CLRN1: variants seen among roughly 807,000 people sequenced by gnomAD.
CLRN1 encodes the protein clarin 1.
In CLRN1, 15 loss-of-function variants were observed where a neutral mutation model predicts 18.7. That is an observed-to-expected ratio of 0.80 (90% CI 0.54 to 1.23). The LOEUF (loss-of-function observed/expected upper bound fraction) is 1.23, where lower values mean the gene tolerates loss of function less well. Among genes scored for constraint, CLRN1 ranks in the 50% most tolerant of loss-of-function variants. The pLI is 0.00. For missense variants in CLRN1, 311 were observed against 277.5 expected (o/e 1.12, Z -0.86); for synonymous variants, 104 against 102.9 (o/e 1.01, Z -0.07).
In CLRN1 at chr3:150,927,009, A is replaced by G; in HGVS notation, c.*927T>C. On this transcript the variant is annotated 3_prime_UTR_variant, in exon 3 of 3. Transcript: ENST00000327047. ...GATTTAATATAATTTTCATAATTGC[A>G]TATTAGTACTCGAGACACTATAGCT... 2.7e-6 allele frequency: 4 copies of G among 1,477,814 alleles called. No individual in the cohort carries two copies. The highest frequency in any genetic ancestry group is 1.2e-5 in the South Asian group (1 of 82,822). 91.5% of individuals were successfully genotyped at this position (1,477,814 alleles called of 1,614,324 possible).
At chr3:150,936,657 A>C (rs1713505662) in intron 2 of CLRN1, among the ~76,000 whole-genome samples, 1 of 152,200 alleles carries the variant, frequency 6.6e-6, no homozygotes, top group Admixed American at 6.5e-5. Context: ...ATCAGCTATC[A>C]GATATCTTTT....
In CLRN1 at chr3:150,928,321, C is replaced by A; in HGVS notation, c.434-120G>T. The A allele has an allele frequency of 1.6e-6, 2 of 1,258,140 alleles. 1 individual carries two copies. Among genetic ancestry groups the A allele is most frequent in the Non-Finnish European group, 2.2e-6 (2 of 904,584 alleles). 77.9% of individuals were successfully genotyped at this position (1,258,140 alleles called of 1,614,324 possible). A position where few individuals can be genotyped will look rare whatever the true frequency, so the allele number is the denominator to read the frequency against. ...ATCATCCCCATTGACATTATCCACA[C>A]AAAAAATTATTGCATATTTGTAATC... is the stretch of plus-strand genomic sequence containing the variant. On this transcript the variant is annotated intron_variant, in intron 2 of 2. Coordinates refer to ENST00000327047, the MANE Select transcript of CLRN1 (RefSeq NM_174878.3).
intron 2 of CLRN1, among the ~76,000 whole-genome samples, chr3:150,939,229 A>T (rs975126846): frequency 2.0e-5 from 3 of 152,094 alleles, no homozygotes; most frequent in Non-Finnish European, 2.9e-5. Flanking sequence ...CACACCTTCC[A>T]CTTCACTTGT....
rs768853852 is a variant in CLRN1, at chr3:150,927,044, G to T, written c.*892C>A. The T allele has an allele frequency of 8.4e-7, 1 of 1,196,730 alleles. No individual in the cohort carries two copies. Among genetic ancestry groups the T allele is most frequent in the Admixed American group, 2.0e-5 (1 of 50,516 alleles). The allele number at this position is 1,196,730 out of a possible 1,614,324, so 74.1% of individuals were successfully genotyped here. On this transcript the variant is annotated 3_prime_UTR_variant, in exon 3 of 3. Transcript: ENST00000327047. ...TCGAGACACTATAGCTAGAAAAACA[G>T]CCCCTAATAAGTCATTTTGCATCAA... is the stretch of plus-strand genomic sequence containing the variant.
chr3:150,943,114 T>C (rs1479630168), intron 1 of CLRN1, among the ~76,000 whole-genome samples: 3 of 152,154 alleles, frequency 2.0e-5, no homozygotes, highest in African/African-American at 7.2e-5. Flanking sequence ...ATTTTTGTTT[T>C]AAGCCCCTGA....
rs1576627014 is a variant in CLRN1 at position 150,934,104 on chromosome 3, A to G, written c.434-5903T>C. Among the ~76,000 whole-genome samples the G allele has an allele frequency of 2.0e-5, 3 of 152,292 alleles. No individual in the cohort carries two copies. The South Asian group carries it at 6.2e-4, about 32-fold the overall frequency. On this transcript the variant is annotated intron_variant, in intron 2 of 2. Coordinates refer to ENST00000327047, the MANE Select transcript of CLRN1 (RefSeq NM_174878.3). ...AAGGATTGGCGTAGAGATAAGATGC[A>G]GATTTTTTTTCACCACCAATTACAG...
intron 1 of CLRN1, among the ~76,000 whole-genome samples, chr3:150,960,253 A>G (rs1055706771): frequency 3.3e-5 from 5 of 152,210 alleles, no homozygotes; most frequent in African/African-American, 1.2e-4. Context: ...AATTGTCTAA[A>G]TATTTTTAAC....
At chr3:150,969,049 C>G (rs539070994) in intron 1 of CLRN1, among the ~76,000 whole-genome samples, 2 of 151,204 alleles carry the variant, frequency 1.3e-5, no homozygotes, top group South Asian at 4.2e-4. Context: ...TGAAATGTGG[C>G]TAGACTGAAT....
At chr3:150,945,441 G>GA in intron 1 of CLRN1, 1 of 1,171,092 alleles carries the variant, frequency 8.5e-7, no homozygotes, top group East Asian at 5.9e-5. Context: ...CCACATGCTG[G>GA]AAGGGGGCCA....
chr3:150,938,889 CAGAGATAGGAT>C (rs1713641719), intron 2 of CLRN1, among the ~76,000 whole-genome samples: 1 of 152,224 alleles, frequency 6.6e-6, no homozygotes, highest in Non-Finnish European at 1.5e-5. Context: ...TGGCCAAAGG[CAGAGATAGGAT>C]CTGGGATTTG....
chr3:150,930,789 C>T (rs763171018), intron 2 of CLRN1, among the ~76,000 whole-genome samples: 1 of 152,168 alleles, frequency 6.6e-6, no homozygotes, highest in Non-Finnish European at 1.5e-5. Flanking sequence ...AGCTCGGTTT[C>T]CTTTTCAAGT....
intron 1 of CLRN1, chr3:150,942,767 TTCTCA>T (rs199767542): frequency 0.048 from 12,890 of 271,040 alleles, 948 homozygotes; most frequent in East Asian, 0.28. Flanking sequence ...TAAGTGACAC[TTCTCA>T]TTTTTCTCCA....
intron 1 of CLRN1, among the ~76,000 whole-genome samples, chr3:150,954,450 T>C (rs1714640617): frequency 6.6e-6 from 1 of 152,280 alleles, no homozygotes; most frequent in Non-Finnish European, 1.5e-5. Flanking sequence ...TTTGTATCTT[T>C]TGTGCATTTC....
chr3:150,926,452 T>TA (rs1712795311), downstream of CLRN1: 1 of 360,340 alleles, frequency 2.8e-6, no homozygotes, highest in South Asian at 2.2e-5. Flanking sequence ...GCTAAAGACT[T>TA]ACAGAACCGG....
intron 1 of CLRN1, among the ~76,000 whole-genome samples, chr3:150,972,037 A>C (rs921820393): frequency 3.9e-5 from 6 of 152,190 alleles, no homozygotes; most frequent in African/African-American, 1.4e-4. Flanking sequence ...CAGGAAACAA[A>C]ATCATGAGAA....
At position 150,927,186 on chromosome 3, in the gene CLRN1, G is replaced by A. The variant is rs917372957; in HGVS notation, c.*750C>T. On this transcript the variant is annotated 3_prime_UTR_variant, in exon 3 of 3. Coordinates refer to ENST00000327047, the MANE Select transcript of CLRN1 (RefSeq NM_174878.3). ...AGGCACGGGAGGAAAAATACCCTAA[G>A]CTTGGTTTTTTCTTCTTTTCTTCTT... 5.2e-6 allele frequency: 3 copies of A among 578,268 alleles called. No homozygotes were observed. Among genetic ancestry groups the A allele is most frequent in the Admixed American group, 2.2e-5 (1 of 46,352 alleles). 35.8% of individuals were successfully genotyped at this position (578,268 alleles called of 1,614,324 possible).
intron 1 of CLRN1, among the ~76,000 whole-genome samples, chr3:150,959,507 T>C (rs1040253650): frequency 1.3e-5 from 2 of 151,656 alleles, no homozygotes; most frequent in Non-Finnish European, 2.9e-5. Flanking sequence ...TGGGCCCCTA[T>C]AGTCCCAGCT....
chr3:150,943,673 C>A, intron 1 of CLRN1: 1 of 1,328,016 alleles, frequency 7.5e-7, no homozygotes, highest in Non-Finnish European at 1.1e-6. Flanking sequence ...CACCCTGGCC[C>A]TTTGCCCTCA....
rs1210514571 is a variant in CLRN1, at chr3:150,939,459, G to A, written c.433+2123C>T. Among the ~76,000 whole-genome samples, 17 of 152,114 alleles carry A rather than the reference G, an allele frequency of 1.1e-4. 1 individual carries two copies. The highest frequency in any genetic ancestry group is 1.9e-4 in the East Asian group (1 of 5,190). ...GACATTACCATCTTGGAGTTACCTC[G>A]GAGTCTCTTTTTGTTTGTCAGTCCA... On this transcript the variant is annotated intron_variant, in intron 2 of 2. Transcript: ENST00000327047.
Sources: allele counts gnomAD v4.1 joint callset (sites outside exome capture counted in the v4.1 genomes callset), GRCh38; gene constraint gnomAD v4.1.1; transcripts MANE v1.5; gene names NCBI Gene and HGNC (gene_info 2026-07-23, HGNC 2026-07-21).